EPB41: variants seen among roughly 807,000 people sequenced by gnomAD.
The protein encoded by EPB41 is erythrocyte membrane protein band 4.1.
EPB41 carries 65 observed loss-of-function variants against 108.0 expected under a neutral mutation model. The observed-to-expected ratio is 0.60, with a 90% CI of 0.49 to 0.74. The LOEUF (loss-of-function observed/expected upper bound fraction) is 0.74, where lower values mean the gene tolerates loss of function less well. Among genes scored for constraint, EPB41 ranks in the 30% least tolerant of loss-of-function variants. The pLI, the probability that EPB41 is intolerant of heterozygous loss-of-function variation, is 0.00. For synonymous variants in EPB41, 336 were observed against 358.9 expected (o/e 0.94, Z 0.72); for missense variants, 875 against 1,037.0 (o/e 0.84, Z 2.15).
rs529701967 is a variant in EPB41 at position 29,062,757 on chromosome 1, T to G, written c.2008-2225T>G. Among the ~76,000 whole-genome samples, 7 of 150,622 alleles carry G rather than the reference T, an allele frequency of 4.6e-5. No homozygotes were observed. In the East Asian group the frequency reaches 1.4e-3, roughly 30 times the overall value. On this transcript the variant is annotated intron_variant, in intron 15 of 20. Coordinates refer to ENST00000343067, the MANE Select transcript of EPB41 (RefSeq NM_001376013.1). The stretch of plus-strand genomic sequence containing the variant: ...CGAGTTCATTTTTAGATCTACCGCC[T>G]CCTCCTCCATCTCCCAGAGAGAACC...
At chr1:28,952,551 A>G (rs2094776935) in intron 1 of EPB41, among the ~76,000 whole-genome samples, 1 of 152,172 alleles carries the variant, frequency 6.6e-6, no homozygotes, top group East Asian at 1.9e-4. Flanking sequence ...AATTAAAAAA[A>G]AGTGGTTTAT....
chr1:29,008,392 C>T (rs2096444895), intron 4 of EPB41, among the ~76,000 whole-genome samples: 1 of 152,098 alleles, frequency 6.6e-6, no homozygotes, highest in Non-Finnish European at 1.5e-5. Flanking sequence ...AATAATTTAA[C>T]CTGCAATAAC....
intron 12 of EPB41, among the ~76,000 whole-genome samples, chr1:29,057,499 C>T (rs1645756270): frequency 6.6e-6 from 1 of 151,590 alleles, no homozygotes; most frequent in Non-Finnish European, 1.5e-5. Context: ...TTTTGGTGCT[C>T]TCTTAGGTTT....
At chr1:28,982,847 C>T (rs1047800207) in intron 1 of EPB41, among the ~76,000 whole-genome samples, 2 of 152,192 alleles carry the variant, frequency 1.3e-5, no homozygotes, top group Non-Finnish European at 2.9e-5. Flanking sequence ...GTAAAGTAGC[C>T]TATGAAGTGT....
At chr1:29,079,315 T>C (rs1459047933) in intron 16 of EPB41, among the ~76,000 whole-genome samples, 1 of 152,160 alleles carries the variant, frequency 6.6e-6, no homozygotes, top group Non-Finnish European at 1.5e-5. Context: ...GATTTTTACT[T>C]TGAGCTTTTG....
chr1:29,047,905 T>A (rs1643789685), intron 11 of EPB41, among the ~76,000 whole-genome samples: 1 of 151,994 alleles, frequency 6.6e-6, no homozygotes, highest in Non-Finnish European at 1.5e-5. Context: ...CGCCTCAGCC[T>A]CCCAAGTAGC....
chr1:28,982,279 T>TA (rs1201058196), intron 1 of EPB41: 3 of 544,176 alleles, frequency 5.5e-6, no homozygotes, highest in Non-Finnish European at 1.1e-5. Flanking sequence ...ACAAAGCATC[T>TA]AAAACCACAG....
rs2095585127 is a variant in EPB41, at chr1:28,975,601, C to CA, written c.-7-11828dup. On this transcript the variant is annotated intron_variant, in intron 1 of 20. Coordinates refer to ENST00000343067, the MANE Select transcript of EPB41 (RefSeq NM_001376013.1). ...AGTCCCAACAATTTAGCATGATATT[C>CA]AAGTCATTTCATAATGTGTCTTTGC... Among the ~76,000 whole-genome samples, 3 of 152,216 alleles carry CA rather than the reference C, an allele frequency of 2.0e-5. No homozygotes were observed. The South Asian group carries it at 6.2e-4, about 32-fold the overall frequency.
chr1:28,937,102 T>C (rs933694852), intron 1 of EPB41, among the ~76,000 whole-genome samples: 1 of 152,186 alleles, frequency 6.6e-6, no homozygotes, highest in Non-Finnish European at 1.5e-5. Flanking sequence ...AAATTATAGC[T>C]ATCCTAAAGG....
chr1:28,968,913 T>C (rs1469741726), intron 1 of EPB41, among the ~76,000 whole-genome samples: 3 of 150,848 alleles, frequency 2.0e-5, no homozygotes, highest in Non-Finnish European at 4.4e-5. Context: ...TACAGTGAGC[T>C]GAGATCGCAC....
At chr1:28,923,801 T>A (rs1007811514) in intron 1 of EPB41, among the ~76,000 whole-genome samples, 10 of 152,224 alleles carry the variant, frequency 6.6e-5, no homozygotes, top group African/African-American at 2.2e-4. Flanking sequence ...AAAGAATATA[T>A]AACTAAAGGG....
At position 28,997,262 on chromosome 1, in the gene EPB41, C is replaced by G; in HGVS notation, c.729C>G (p.Leu243=). The G allele has an allele frequency of 6.2e-7, 1 of 1,614,164 alleles. No individual in the cohort carries two copies. The highest frequency in any genetic ancestry group is 1.3e-5 in the African/African-American group (1 of 75,052). ...QDLLKRVCEH[L]NLLEEDYFGL... is the part of the protein sequence containing the mutation. Reference sequence around the variant, plus strand: ...TGCTTAAACGAGTATGTGAGCATCTCAATCTTTTGGAAGAAGACTATTTTG... The same window carrying G: ...TGCTTAAACGAGTATGTGAGCATCTGAATCTTTTGGAAGAAGACTATTTTG... Residue 243 remains leucine, a synonymous_variant, in exon 4 of 21, where the codon CTC becomes CTG. Transcript: ENST00000343067.
intron 4 of EPB41, among the ~76,000 whole-genome samples, chr1:28,999,030 C>T (rs186558273): frequency 4.6e-5 from 7 of 152,282 alleles, no homozygotes; most frequent in African/African-American, 1.7e-4. Flanking sequence ...AAACAATGCC[C>T]TCAAAACTAC....
intron 1 of EPB41, among the ~76,000 whole-genome samples, chr1:28,898,860 C>G (rs2090990875): frequency 6.6e-6 from 1 of 152,222 alleles, no homozygotes; most frequent in Non-Finnish European, 1.5e-5. Flanking sequence ...TGAAACAGGA[C>G]ACATATTTAG....
In EPB41 at chr1:29,058,817, G is replaced by A. The variant is rs1218444233; in HGVS notation, c.1909G>A (p.Ala637Thr). The change falls in exon 14 of 21, where the codon GCA becomes ACA. Residue 637 changes from alanine (A) to threonine (T), a missense_variant. Coordinates refer to ENST00000343067, the MANE Select transcript of EPB41 (RefSeq NM_001376013.1). ...TTAAATTATGGCAAAACAGAAGCTT[G>A]CAGAAAAAACTGAAGATCTGATAAG... ...TSNGDQTQKL[A>T]EKTEDLIRMR... 2.6e-6 allele frequency: 4 copies of A among 1,548,048 alleles called. No homozygotes were observed. The East Asian group carries it at 9.8e-5, about 38-fold the overall frequency.
At chr1:29,110,354 T>G (rs904840804) in intron 18 of EPB41, among the ~76,000 whole-genome samples, 1 of 152,020 alleles carries the variant, frequency 6.6e-6, no homozygotes, top group African/African-American at 2.4e-5. Flanking sequence ...CCTATCTCTG[T>G]AAAAACAAAA....
chr1:29,011,254 A>G (rs987423909), intron 4 of EPB41, among the ~76,000 whole-genome samples: 2 of 152,018 alleles, frequency 1.3e-5, no homozygotes, highest in Non-Finnish European at 2.9e-5. Context: ...AATCCCAGCT[A>G]CTTGGGAGGC....
At chr1:29,014,580 T>C (rs1346708228) in intron 5 of EPB41, among the ~76,000 whole-genome samples, 2 of 151,806 alleles carry the variant, frequency 1.3e-5, no homozygotes, top group African/African-American at 4.8e-5. Flanking sequence ...TATATATATT[T>C]TTAGAGATGG....
Position 29,048,525 on chromosome 1 carries a change from C to T in EPB41, c.1637-4579C>T, listed in dbSNP as rs533750502. Among the ~76,000 whole-genome samples, 13 of 152,180 alleles carry T rather than the reference C, an allele frequency of 8.5e-5. No individual in the cohort carries two copies. The East Asian group carries it at 1.7e-3, about 20-fold the overall frequency. On this transcript the variant is annotated intron_variant, in intron 11 of 20. Transcript: ENST00000343067. The stretch of plus-strand genomic sequence containing the variant: ...CGCGCCCGGCCTATTATTTTCTTTA[C>T]GCTTTTATTGAGCTTTTTTAAAAAA...
Sources: gnomAD v4.1 joint callset for allele counts (sites outside exome capture counted in the v4.1 genomes callset) on GRCh38, gnomAD v4.1.1 for gene constraint, MANE v1.5 for transcripts, NCBI Gene and HGNC (gene_info 2026-07-23, HGNC 2026-07-21) for gene names.